AK8: variants seen among roughly 807,000 people sequenced by gnomAD.
AK8 encodes ATP-AMP transphosphorylase 8.
AK8 carries 44 observed loss-of-function variants against 54.6 expected under a neutral mutation model. That is an observed-to-expected ratio of 0.81 (90% confidence interval 0.63 to 1.04). The LOEUF is 1.04. Among genes scored for constraint, AK8 ranks in the 50% least tolerant of loss-of-function variants. The pLI, the probability that AK8 is intolerant of heterozygous loss-of-function variation, is 0.00. For missense variants in AK8, 555 were observed against 613.6 expected, an observed-to-expected ratio of 0.90 and a Z score of 1.01; for synonymous variants, 239 against 245.6, an observed-to-expected ratio of 0.97 and a Z score of 0.25.
intron 2 of AK8, among the ~76,000 whole-genome samples, chr9:132,873,117 T>C (rs1843929848): frequency 6.6e-6 from 1 of 152,198 alleles, no homozygotes; most frequent in South Asian, 2.1e-4. Flanking sequence ...CCAGCCAATT[T>C]TCGTATTTTT....
chr9:132,727,989 TGTGA>T (rs1383920983), intron 11 of AK8, among the ~76,000 whole-genome samples: 2 of 152,200 alleles, frequency 1.3e-5, no homozygotes, highest in African/African-American at 4.8e-5. Flanking sequence ...TCCTGGGAGC[TGTGA>T]GTAACAAACT....
chr9:132,863,833 T>G lies in AK8; in HGVS notation c.220-55A>C, dbSNP rs979704114. 6.7e-6 allele frequency: 9 copies of G among 1,336,050 alleles called. No individual in the cohort carries two copies. The African/African-American group carries it at 7.2e-5, about 11-fold the overall frequency. 82.8% of individuals were successfully genotyped at this position (1,336,050 alleles called of 1,614,324 possible). ...TTCATAAAAACAATAAATACACAAATGACTCTATTAAAATGCCCTGGTCCT... is the reference window on the plus strand; with the variant it reads ...TTCATAAAAACAATAAATACACAAAGGACTCTATTAAAATGCCCTGGTCCT... On this transcript the variant is annotated intron_variant, in intron 3 of 12. Coordinates refer to ENST00000298545, the MANE Select transcript of AK8 (RefSeq NM_152572.3).
chr9:132,740,960 C>T (rs928658310), intron 11 of AK8, among the ~76,000 whole-genome samples: 4 of 152,188 alleles, frequency 2.6e-5, no homozygotes, highest in Admixed American at 6.5e-5. Context: ...AGATGGTGGG[C>T]CTGGGGGTCC....
chr9:132,840,759 G>A (rs1842510858), intron 5 of AK8, among the ~76,000 whole-genome samples: 1 of 152,098 alleles, frequency 6.6e-6, no homozygotes, highest in South Asian at 2.1e-4. Context: ...CAGTTGTGGT[G>A]GCACACGCCT....
chr9:132,843,920 A>T (rs1274238270), intron 5 of AK8, among the ~76,000 whole-genome samples: 1 of 152,202 alleles, frequency 6.6e-6, no homozygotes, highest in African/African-American at 2.4e-5. Context: ...GTGAAGAAAG[A>T]GTTGGGAAGA....
rs1564407372 is a variant in AK8, at chr9:132,799,478, AT to A, written c.980-6704del. On this transcript the variant is annotated intron_variant, in intron 10 of 12. Transcript: ENST00000298545. This position sits in a 1 kb window ranked among gnomAD's most constrained non-coding sequence, Gnocchi z 5.0. ...CATGCCCTGCACACGTCACCCCTCC[AT>A]GCACACTCATAAACGCCCCCACACA... 2.0e-5 allele frequency among the ~76,000 whole-genome samples: 3 copies of A among 151,798 alleles called. No individual in the cohort carries two copies. The highest frequency in any genetic ancestry group is 7.3e-5 in the African/African-American group (3 of 41,286).
intron 11 of AK8, among the ~76,000 whole-genome samples, chr9:132,775,206 G>GA (rs1839159405): frequency 1.3e-5 from 2 of 152,168 alleles, no homozygotes; most frequent in Admixed American, 6.5e-5. Flanking sequence ...GGACTGGGGG[G>GA]CTCTTAGAAA....
At position 132,752,350 on chromosome 9, in the gene AK8, C is replaced by T. The variant is rs2769942; in HGVS notation, c.1122-24816G>A. Among the ~76,000 whole-genome samples, 1,198 of 151,154 alleles carry T rather than the reference C, an allele frequency of 7.9e-3. 16 individuals are homozygous for T. Among genetic ancestry groups the T allele is most frequent in the African/African-American group, 0.028 (1,152 of 41,146 alleles). Reference sequence around the variant, plus strand: ...CTGCAGGCTCCACCAGCTGGGTTCACGCCATTCTCCTGCCTCTGCCTCCCG... The same window carrying T: ...CTGCAGGCTCCACCAGCTGGGTTCATGCCATTCTCCTGCCTCTGCCTCCCG... On this transcript the variant is annotated intron_variant, in intron 11 of 12. Coordinates refer to ENST00000298545, the MANE Select transcript of AK8 (RefSeq NM_152572.3).
At chr9:132,768,546 C>T (rs1204066743) in intron 11 of AK8, among the ~76,000 whole-genome samples, 3 of 152,184 alleles carry the variant, frequency 2.0e-5, no homozygotes, top group South Asian at 2.1e-4. Context: ...GGATTACAGG[C>T]GTGAGCCACC....
At chr9:132,850,220 ATTT>A (rs34506307) in intron 5 of AK8, among the ~76,000 whole-genome samples, 1 of 123,000 alleles carries the variant, frequency 8.1e-6, no homozygotes, top group Non-Finnish European at 1.7e-5. Flanking sequence ...TGCCCAGCTA[ATTT>A]TTTTTTTTTT....
chr9:132,756,632 G>A (rs1056642280), intron 11 of AK8, among the ~76,000 whole-genome samples: 2 of 152,138 alleles, frequency 1.3e-5, no homozygotes, highest in Admixed American at 6.5e-5. Context: ...GGGAAATGCC[G>A]GCATCTCACT....
At chr9:132,798,453 C>T (rs1840282172) in intron 10 of AK8, among the ~76,000 whole-genome samples, 1 of 152,162 alleles carries the variant, frequency 6.6e-6, no homozygotes, top group South Asian at 2.1e-4. Context: ...TAATGCTGTC[C>T]ATTTACCCTT....
intron 10 of AK8, among the ~76,000 whole-genome samples, chr9:132,794,243 C>T (rs4962079): frequency 1.3e-5 from 2 of 152,180 alleles, no homozygotes; most frequent in East Asian, 1.9e-4. Flanking sequence ...GTCACTTCAG[C>T]GAATCCCATC....
chr9:132,852,745 G>C (rs1489367061), intron 5 of AK8, among the ~76,000 whole-genome samples: 3 of 142,464 alleles, frequency 2.1e-5, no homozygotes, highest in African/African-American at 8.0e-5. Flanking sequence ...ACTCTGGCCT[G>C]GGCAACAGAG....
chr9:132,767,674 T>TA (rs1431310793), intron 11 of AK8, among the ~76,000 whole-genome samples: 4 of 152,230 alleles, frequency 2.6e-5, no homozygotes, highest in Non-Finnish European at 5.9e-5. Context: ...ACTGCAGCAC[T>TA]ACTCACAATA....
Position 132,753,419 on chromosome 9 carries a change from G to C in AK8, c.1122-25885C>G, listed in dbSNP as rs148002481. Among the ~76,000 whole-genome samples the C allele has an allele frequency of 3.6e-3, 555 of 152,384 alleles. 4 individuals are homozygous for C. The highest frequency in any genetic ancestry group is 0.013 in the African/African-American group (529 of 41,592). On this transcript the variant is annotated intron_variant, in intron 11 of 12. Coordinates refer to ENST00000298545, the MANE Select transcript of AK8 (RefSeq NM_152572.3). ...CCTATCTGGGAAGGGCTTAGGGGCA[G>C]CAGCCCAGTTAGAACTGCTCATTGG...
At chr9:132,832,368 TAGAA>T (rs149673630) in intron 5 of AK8, among the ~76,000 whole-genome samples, 2,449 of 152,244 alleles carry the variant, frequency 0.016, 68 homozygotes, top group African/African-American at 0.056. Flanking sequence ...CTGCAGCTCT[TAGAA>T]AGAGCAAACA....
chr9:132,766,140 C>CT (rs1590215119), intron 11 of AK8, among the ~76,000 whole-genome samples: 2 of 152,338 alleles, frequency 1.3e-5, no homozygotes, highest in East Asian at 3.9e-4. Context: ...GAGACAGGAT[C>CT]TTGCTCTGTT....
intron 11 of AK8, among the ~76,000 whole-genome samples, chr9:132,736,467 C>T (rs1433178761): frequency 1.3e-5 from 2 of 149,046 alleles, no homozygotes; most frequent in East Asian, 2.1e-4. Context: ...GGGTTACAGG[C>T]GTGAGCCACT....
Sources: allele counts gnomAD v4.1 joint callset (sites outside exome capture counted in the v4.1 genomes callset), GRCh38; gene constraint gnomAD v4.1.1; non-coding constraint Gnocchi (gnomAD v3.1); transcripts MANE v1.5; gene names NCBI Gene and HGNC (gene_info 2026-07-23, HGNC 2026-07-21).